DCDC1: variants seen among roughly 807,000 people sequenced by gnomAD.
The protein encoded by DCDC1 is doublecortin domain-containing protein 1.
DCDC1 carries 200 observed loss-of-function variants against 178.3 expected under a neutral mutation model. The observed-to-expected ratio is 1.12, with a 90% CI of 1.00 to 1.26. The LOEUF (loss-of-function observed/expected upper bound fraction) is 1.26, where lower values mean the gene tolerates loss of function less well. Among genes scored for constraint, DCDC1 ranks in the 50% most tolerant of loss-of-function variants. DCDC1 has a pLI of 0.00. For synonymous variants in DCDC1, 690 were observed against 604.8 expected, an observed-to-expected ratio of 1.14 and a Z score of -2.07; for missense variants, 1,983 against 1,749.2, an observed-to-expected ratio of 1.13 and a Z score of -2.38.
At chr11:31,062,295 C>G (rs532316357) in intron 20 of DCDC1, among the ~76,000 whole-genome samples, 1 of 152,202 alleles carries the variant, frequency 6.6e-6, no homozygotes, top group South Asian at 2.1e-4. Context: ...CTAGAGAGGC[C>G]AGAAACAGCC....
chr11:31,186,237 CT>C (rs2136317493), intron 9 of DCDC1, among the ~76,000 whole-genome samples: 1 of 152,276 alleles, frequency 6.6e-6, no homozygotes, highest in African/African-American at 2.4e-5. Flanking sequence ...CCAACACTCA[CT>C]TAGCCATACT....
intron 34 of DCDC1, among the ~76,000 whole-genome samples, chr11:30,898,486 G>A (rs1340620466): frequency 1.3e-5 from 2 of 152,174 alleles, no homozygotes; most frequent in Non-Finnish European, 2.9e-5. Flanking sequence ...TGGGGAAGGT[G>A]AGAGAGAGGG....
chr11:31,000,922 TG>T (rs1199453766), intron 20 of DCDC1, among the ~76,000 whole-genome samples: 1 of 152,148 alleles, frequency 6.6e-6, no homozygotes, highest in East Asian at 1.9e-4. Context: ...TATATATACA[TG>T]TATATACAAA....
intron 8 of DCDC1, among the ~76,000 whole-genome samples, chr11:31,244,627 A>T (rs1424079171): frequency 1.3e-5 from 2 of 151,760 alleles, no homozygotes; most frequent in Admixed American, 1.3e-4. Flanking sequence ...GATTGTGGTA[A>T]GAACTTCTCT....
At chr11:31,139,156 T>C (rs1963520874) in intron 9 of DCDC1, among the ~76,000 whole-genome samples, 1 of 152,058 alleles carries the variant, frequency 6.6e-6, no homozygotes, top group African/African-American at 2.4e-5. Flanking sequence ...TATTTCATGC[T>C]ACAATGGCAG....
At chr11:30,986,420 C>T (rs1950649783) in intron 20 of DCDC1, among the ~76,000 whole-genome samples, 1 of 151,582 alleles carries the variant, frequency 6.6e-6, no homozygotes, top group Non-Finnish European at 1.5e-5. Context: ...GTAAGCTCCG[C>T]CTCCTGGGTT....
chr11:31,037,071 T>C (rs1954088472), intron 20 of DCDC1, among the ~76,000 whole-genome samples: 2 of 152,194 alleles, frequency 1.3e-5, no homozygotes, highest in African/African-American at 2.4e-5. Context: ...TTAACCATTC[T>C]ACCACACTGC....
chr11:30,904,863 G>T, intron 31 of DCDC1, 98 bp downstream of exon 31: 4 of 1,395,014 alleles, frequency 2.9e-6, no homozygotes, highest in Non-Finnish European at 4.0e-6. Context: ...TCTGGCCAGG[G>T]ACATTTATCA....
At chr11:31,027,975 G>T (rs1009465343) in intron 20 of DCDC1, among the ~76,000 whole-genome samples, 1 of 151,660 alleles carries the variant, frequency 6.6e-6, no homozygotes, top group Admixed American at 6.6e-5. Flanking sequence ...AAAGAAAATT[G>T]TACCTATTAT....
intron 33 of DCDC1, 88 bp from the exon 34 acceptor site, chr11:30,899,730 T>C (rs1554962759): frequency 3.3e-6 from 3 of 911,796 alleles, no homozygotes; most frequent in Non-Finnish European, 4.6e-6. Flanking sequence ...CTCAAAGAAA[T>C]AGATTCAATT....
rs150155821 is a variant in DCDC1 at position 31,309,963 on chromosome 11, GCTGT to G, written c.165-2059_165-2056del. Among the ~76,000 whole-genome samples the G allele has an allele frequency of 5.5e-3, 838 of 152,042 alleles. 10 individuals are homozygous for G. The highest frequency in any genetic ancestry group is 0.019 in the African/African-American group (793 of 41,470). On this transcript the variant is annotated intron_variant, in intron 3 of 38. Coordinates refer to ENST00000684477, the MANE Select transcript of DCDC1 (RefSeq NM_001387274.1). ...CCCTCTTCTACCTAGTTATGCATGGGCTGTCTATCATTTTTGTTTGTCACACACA... is the reference window on the plus strand; with the variant it reads ...CCCTCTTCTACCTAGTTATGCATGGGCTATCATTTTTGTTTGTCACACACA...
chr11:31,160,809 T>G (rs1966245368), intron 9 of DCDC1, among the ~76,000 whole-genome samples: 1 of 152,230 alleles, frequency 6.6e-6, no homozygotes, highest in Admixed American at 6.5e-5. Context: ...TGGCACTGTT[T>G]AGAACACCAT....
At chr11:30,962,968 A>G (rs1949197331) in intron 20 of DCDC1, among the ~76,000 whole-genome samples, 1 of 152,148 alleles carries the variant, frequency 6.6e-6, no homozygotes, top group South Asian at 2.1e-4. Context: ...ATACCTGCTT[A>G]TGATGGAACC....
intron 11 of DCDC1, among the ~76,000 whole-genome samples, chr11:31,119,744 T>C (rs964172307): frequency 3.3e-5 from 5 of 152,172 alleles, no homozygotes; most frequent in African/African-American, 1.2e-4. Flanking sequence ...TTTTGTGCCA[T>C]TCAAAGAATA....
chr11:31,056,513 G>A (rs919093508), intron 20 of DCDC1, among the ~76,000 whole-genome samples: 3 of 151,976 alleles, frequency 2.0e-5, no homozygotes, highest in African/African-American at 7.2e-5. Flanking sequence ...TGCAAACACT[G>A]ACCAAAAAGC....
chr11:30,876,931 T>TAA (rs796105221), intron 38 of DCDC1, among the ~76,000 whole-genome samples: 2 of 145,756 alleles, frequency 1.4e-5, no homozygotes, highest in African/African-American at 5.0e-5. Context: ...CTTTCTTGCT[T>TAA]AAAAAAAAAA....
Position 30,944,368 on chromosome 11 carries a change from TAAATAGTA to T in DCDC1, c.2715+8069_2715+8076del, listed in dbSNP as rs565511738. 8.8e-6 allele frequency: 4 copies of T among 455,882 alleles called. No homozygotes were observed. The East Asian group carries it at 2.8e-4, about 32-fold the overall frequency. 28.2% of individuals were successfully genotyped at this position (455,882 alleles called of 1,614,324 possible). The stretch of plus-strand genomic sequence containing the variant: ...AAATATGTAAGACATAATGGTTAGA[TAAATAGTA>T]AAGTTGGAAACTTAAATCCGGTATA... On this transcript the variant is annotated intron_variant, in intron 21 of 38. Transcript: ENST00000684477.
chr11:30,882,087 C>G (rs1369787367), intron 36 of DCDC1: 5 of 153,366 alleles, frequency 3.3e-5, no homozygotes, highest in Admixed American at 6.5e-5. Flanking sequence ...AAGCCTGTTC[C>G]CCCAAAATGC....
At chr11:30,980,346 A>G (rs1239298333) in intron 20 of DCDC1, among the ~76,000 whole-genome samples, 1 of 152,124 alleles carries the variant, frequency 6.6e-6, no homozygotes, top group African/African-American at 2.4e-5. Context: ...CCTTCTTTTC[A>G]CTTCTAGACC....
Sources: allele counts gnomAD v4.1 joint callset (sites outside exome capture counted in the v4.1 genomes callset), GRCh38; gene constraint gnomAD v4.1.1; transcripts MANE v1.5; gene names NCBI Gene and HGNC (gene_info 2026-07-23, HGNC 2026-07-21).